Variants in FCRL4 observed in about 807,000 individuals in gnomAD.
FCRL4 encodes Fc receptor like 4, also known as Fc receptor-like protein 4.
A neutral mutation model predicts 64.1 loss-of-function variants in FCRL4; 43 were observed. The observed-to-expected ratio is 0.67, with a 90% CI of 0.53 to 0.87. FCRL4 has a LOEUF of 0.87. FCRL4 is among the 40% of genes least tolerant of loss of function. The pLI, the probability that FCRL4 is intolerant of heterozygous loss-of-function variation, is 0.00. For missense variants in FCRL4, 656 were observed against 613.5 expected (o/e 1.07, Z -0.73); for synonymous variants, 253 against 239.8 (o/e 1.05, Z -0.51).
rs1652745738 is a variant in FCRL4 at position 157,588,035 on chromosome 1, A to C, written c.392T>G (p.Leu131Trp). The C allele has an allele frequency of 6.2e-7, 1 of 1,613,524 alleles. No individual in the cohort carries two copies. The highest frequency in any genetic ancestry group is 2.2e-5 in the East Asian group (1 of 44,850). The change falls in exon 4 of 12, where the codon TTG becomes TGG. Residue 131 changes from leucine to tryptophan, a missense_variant. Physicochemically the swap from Leu to Trp is moderately conservative, Grantham distance 61 (BLOSUM62 -2). Transcript: ENST00000271532. ...ATTCCAAGTATATTTCACAGCAGTCAATTTCTCTTTCCTTCTTCTGTGGCA... is the reference window on the plus strand; with the variant it reads ...ATTCCAAGTATATTTCACAGCAGTCCATTTCTCTTTCCTTCTTCTGTGGCA... Reference protein sequence around the residue: ...LRCHRRRKEKLTAVKYTWNGN... With the variant: ...LRCHRRRKEKWTAVKYTWNGN...
intron 9 of FCRL4, 76 bp from the exon 10 acceptor site, chr1:157,578,618 C>T: frequency 1.4e-6 from 2 of 1,402,002 alleles, no homozygotes; most frequent in South Asian, 2.3e-5. Flanking sequence ...TAAGCATCAT[C>T]TCCACTCTTC....
chr1:157,587,804 A>C, intron 4 of FCRL4, 61 bp downstream of exon 4: 1 of 1,485,218 alleles, frequency 6.7e-7, no homozygotes, highest in Non-Finnish European at 9.2e-7. Context: ...TTCTTTCCTT[A>C]CATGCTCAGT....
chr1:157,578,272 AG>A (rs1652459367), intron 10 of FCRL4, among the ~76,000 whole-genome samples: 1 of 152,188 alleles, frequency 6.6e-6, no homozygotes, highest in Admixed American at 6.5e-5. Context: ...CCTGATCATC[AG>A]CAAAAGTATA....
intron 3 of FCRL4, among the ~76,000 whole-genome samples, chr1:157,588,987 A>T (rs1275720589): frequency 6.6e-6 from 1 of 152,196 alleles, no homozygotes; most frequent in East Asian, 1.9e-4. Flanking sequence ...TTGACTGTGT[A>T]AGTGTGTGGG....
At chr1:157,588,151 C>A in intron 3 of FCRL4, 32 bp from the exon 4 acceptor site, 2 of 1,567,586 alleles carry the variant, frequency 1.3e-6, no homozygotes, top group South Asian at 1.2e-5. Flanking sequence ...GATCGTCATT[C>A]AAAGCATTCC....
intron 6 of FCRL4, among the ~76,000 whole-genome samples, chr1:157,585,897 T>C (rs1204643257): frequency 1.3e-5 from 2 of 151,992 alleles, no homozygotes; most frequent in African/African-American, 2.4e-5. Context: ...AAGGCTCCTC[T>C]TGGAGATAAA....
rs763790928 is a variant in FCRL4 at position 157,575,631 on chromosome 1, G to C, written c.1462-21C>G. 6 of 1,612,480 alleles carry C rather than the reference G, an allele frequency of 3.7e-6. No individual in the cohort carries two copies. In the Admixed American group the frequency reaches 8.3e-5, roughly 22 times the overall value. On this transcript the variant is annotated intron_variant, in intron 11 of 11. Coordinates refer to ENST00000271532, the MANE Select transcript of FCRL4 (RefSeq NM_031282.3). The stretch of plus-strand genomic sequence containing the variant: ...ACATCCTGAAATGGAAGAAAGAAGT[G>C]GAAACCGAGAGGGAGTGTGAGGCTG...
In FCRL4 at chr1:157,581,617, A is replaced by T. The variant is rs1249814889; in HGVS notation, c.1163T>A (p.Val388Asp). Reference protein sequence around the residue: ...RETPGNRDGLVAAGATGGLLS... With the variant: ...RETPGNRDGLDAAGATGGLLS... ...CAGCCCTCCAGTGGCTCCCGCGGCG[A>T]CAAGGCCATCTCTGTTGCCTGGGGT... Residue 388 changes from valine to aspartate, a missense_variant, in exon 7 of 12, where the codon GTC (valine) becomes GAC (aspartate). Val to Asp is a radical substitution (Grantham distance 152, BLOSUM62 -3). Transcript: ENST00000271532. 1.2e-6 allele frequency: 2 copies of T among 1,613,950 alleles called. No individual in the cohort carries two copies. Among genetic ancestry groups the T allele is most frequent in the Admixed American group, 3.3e-5 (2 of 60,006 alleles).
At chr1:157,584,277 C>T (rs1289973313) in intron 6 of FCRL4, among the ~76,000 whole-genome samples, 1 of 152,138 alleles carries the variant, frequency 6.6e-6, no homozygotes, top group African/African-American at 2.4e-5. Flanking sequence ...CTAATCCCTT[C>T]TTCCTCTCCC....
intron 8 of FCRL4, 40 bp from the exon 9 acceptor site, chr1:157,578,892 G>T: frequency 6.6e-7 from 1 of 1,514,908 alleles, no homozygotes; most frequent in Non-Finnish European, 9.1e-7. Flanking sequence ...CTGGAACACT[G>T]TAACATGCGG....
At chr1:157,596,424 C>A in intron 1 of FCRL4, 76 bp from the exon 2 acceptor site, 1 of 1,497,044 alleles carries the variant, frequency 6.7e-7, no homozygotes, top group South Asian at 1.1e-5. Flanking sequence ...CCCATACACT[C>A]ATATGCTACT....
rs3841012 is a variant in FCRL4 at position 157,575,289 on chromosome 1, G to GGT, written c.*233_*234dup. The GGT allele has an allele frequency of 1.9e-4, 105 of 548,272 alleles. No homozygotes were observed. The East Asian group carries it at 3.2e-3, about 17-fold the overall frequency. 34.0% of individuals were successfully genotyped at this position (548,272 alleles called of 1,614,324 possible). A position where few individuals can be genotyped will look rare whatever the true frequency, so the allele number is the denominator to read the frequency against. ...GTCAGGCCCACAGCAAATACTACAG[G>GGT]GTCTTCTCTTAACTGTGGATCCTGG... On this transcript the variant is annotated 3_prime_UTR_variant, in exon 12 of 12. Coordinates refer to ENST00000271532, the MANE Select transcript of FCRL4 (RefSeq NM_031282.3).
chr1:157,588,929 G>T (rs1652771263), intron 3 of FCRL4, among the ~76,000 whole-genome samples: 1 of 152,344 alleles, frequency 6.6e-6, no homozygotes, highest in East Asian at 1.9e-4. Context: ...TGCAGGGCAG[G>T]ATCTGAGACA....
chr1:157,597,838 G>T, intron 1 of FCRL4, 76 bp downstream of exon 1: 1 of 1,154,636 alleles, frequency 8.7e-7, no homozygotes, highest in Non-Finnish European at 1.3e-6. Context: ...CATGATTGCA[G>T]CAGCAGAAAA....
At chr1:157,582,249 C>T (rs887030862) in intron 6 of FCRL4, among the ~76,000 whole-genome samples, 6 of 152,120 alleles carry the variant, frequency 3.9e-5, no homozygotes, top group Admixed American at 6.5e-5. Flanking sequence ...CTTTCATCCA[C>T]GGAAAAGGAG....
At position 157,588,141 on chromosome 1, in the gene FCRL4, G is replaced by C. The variant is rs532412455; in HGVS notation, c.308-22C>G. 2.5e-6 allele frequency: 4 copies of C among 1,578,514 alleles called. No homozygotes were observed. The African/African-American group carries it at 5.4e-5, about 22-fold the overall frequency. On this transcript the variant is annotated intron_variant, in intron 3 of 11. Coordinates refer to ENST00000271532, the MANE Select transcript of FCRL4 (RefSeq NM_031282.3). ...GAGTCTGGAAAAGACACAGAGAGGAGATCGTCATTCAAAGCATTCCTGCTA... is the reference window on the plus strand; with the variant it reads ...GAGTCTGGAAAAGACACAGAGAGGACATCGTCATTCAAAGCATTCCTGCTA...
At chr1:157,593,002 C>CT (rs1652872435) in intron 2 of FCRL4, among the ~76,000 whole-genome samples, 1 of 152,144 alleles carries the variant, frequency 6.6e-6, no homozygotes, top group African/African-American at 2.4e-5. Context: ...AACCAAACAC[C>CT]GCATGTTCTC....
chr1:157,586,355 T>G lies in FCRL4; in HGVS notation c.948A>C (p.Thr316=). ...GGTGCCAGGAGAATGTGGTATCCCC[T>G]GTGCCTTCAGCCACGGAGCAGACAA... ...LVLVCSVAEG[T]GDTTFSWHRE... is the part of the protein sequence containing the mutation. Residue 316 remains threonine (T), a synonymous_variant, in exon 6 of 12, where the codon ACA becomes ACC. Coordinates refer to ENST00000271532, the MANE Select transcript of FCRL4 (RefSeq NM_031282.3). 3 of 1,613,760 alleles carry G rather than the reference T, an allele frequency of 1.9e-6. No homozygotes were observed. The highest frequency in any genetic ancestry group is 2.5e-6 in the Non-Finnish European group (3 of 1,180,000).
rs1251561766 is a variant in FCRL4, at chr1:157,574,208, C to CA, written c.*1315dup. 21 of 221,198 alleles carry CA rather than the reference C, an allele frequency of 9.5e-5. No homozygotes were observed. Among genetic ancestry groups the CA allele is most frequent in the Non-Finnish European group, 1.8e-4 (20 of 110,752 alleles). The allele number at this position is 221,198 out of a possible 1,614,324, so 13.7% of individuals were successfully genotyped here. A position where few individuals can be genotyped will look rare whatever the true frequency, so the allele number is the denominator to read the frequency against. On this transcript the variant is annotated 3_prime_UTR_variant, in exon 12 of 12. Coordinates refer to ENST00000271532, the MANE Select transcript of FCRL4 (RefSeq NM_031282.3). ...CTTCCTCCCTCTCTTCTTTTTATTT[C>CA]ATTTTTTTCCCATTTATTTGTTATA...
Sources: gnomAD v4.1 joint callset for allele counts (sites outside exome capture counted in the v4.1 genomes callset) on GRCh38, gnomAD v4.1.1 for gene constraint, MANE v1.5 for transcripts, NCBI Gene and HGNC (gene_info 2026-07-23, HGNC 2026-07-21) for gene names.